ERBB4: variants seen among roughly 807,000 people sequenced by gnomAD.
ERBB4 encodes erb-b2 receptor tyrosine kinase 4, also known as receptor tyrosine-protein kinase erbB-4.
A neutral mutation model predicts 158.0 loss-of-function variants in ERBB4; 42 were observed. That is an observed-to-expected ratio of 0.27 (90% CI 0.21 to 0.34). ERBB4 has a LOEUF of 0.34. ERBB4 is among the 10% of genes least tolerant of loss of function. The pLI, the probability that ERBB4 is intolerant of heterozygous loss-of-function variation, is 1.00. For missense variants in ERBB4, 1,333 were observed against 1,624.1 expected, an observed-to-expected ratio of 0.82 and a Z score of 3.08; for synonymous variants, 583 against 558.7, an observed-to-expected ratio of 1.04 and a Z score of -0.61.
At chr2:211,541,960 G>T (rs2066820847) in intron 20 of ERBB4, among the ~76,000 whole-genome samples, 1 of 151,948 alleles carries the variant, frequency 6.6e-6, no homozygotes, top group South Asian at 2.1e-4. Flanking sequence ...ACTGACTGGA[G>T]CAAAACCAAA....
At chr2:212,210,431 T>C (rs2082898687) in intron 1 of ERBB4, among the ~76,000 whole-genome samples, 4 of 152,254 alleles carry the variant, frequency 2.6e-5, no homozygotes, top group Middle Eastern at 3.4e-3. Flanking sequence ...TGAAATTTCC[T>C]AATATCACAT....
chr2:211,613,266 T>C (rs2069267056), intron 19 of ERBB4, among the ~76,000 whole-genome samples: 1 of 152,046 alleles, frequency 6.6e-6, no homozygotes. Flanking sequence ...TGAAGATTTT[T>C]TGTAAGAACA....
chr2:212,061,965 C>G (rs1243394320), intron 2 of ERBB4, among the ~76,000 whole-genome samples: 1 of 151,894 alleles, frequency 6.6e-6, no homozygotes, highest in Non-Finnish European at 1.5e-5. Context: ...GAACTCCTGA[C>G]CTCAGGTGAT....
intron 5 of ERBB4, among the ~76,000 whole-genome samples, chr2:211,736,988 A>G (rs948535171): frequency 6.6e-6 from 1 of 152,206 alleles, no homozygotes; most frequent in African/African-American, 2.4e-5. Context: ...CAAAAAAGTC[A>G]TGTCGCGATA....
chr2:211,544,022 G>T (rs943455268), intron 20 of ERBB4, among the ~76,000 whole-genome samples: 1 of 151,894 alleles, frequency 6.6e-6, no homozygotes, highest in African/African-American at 2.4e-5. Flanking sequence ...CCCAGTTAAA[G>T]TCTCACTGCA....
intron 1 of ERBB4, among the ~76,000 whole-genome samples, chr2:212,254,060 A>G (rs1340914223): frequency 6.6e-6 from 1 of 152,190 alleles, no homozygotes; most frequent in Non-Finnish European, 1.5e-5. Context: ...AGAGGTGGTC[A>G]GTCATTGACT....
intron 23 of ERBB4, among the ~76,000 whole-genome samples, chr2:211,423,834 G>T (rs979753669): frequency 1.1e-4 from 16 of 151,492 alleles, no homozygotes; most frequent in African/African-American, 3.9e-4. Flanking sequence ...TCCCATAAAG[G>T]TCACTAATGT....
chr2:211,815,906 T>A (rs1006564567), intron 3 of ERBB4, among the ~76,000 whole-genome samples: 3 of 152,256 alleles, frequency 2.0e-5, no homozygotes, highest in East Asian at 3.9e-4. Flanking sequence ...CCCTTGGACG[T>A]CAGACTCCAG....
chr2:212,524,227 CTACCAT>C (rs2106323802), intron 1 of ERBB4, among the ~76,000 whole-genome samples: 1 of 152,102 alleles, frequency 6.6e-6, no homozygotes, highest in African/African-American at 2.4e-5. Context: ...TTCATAATTT[CTACCAT>C]AATATTGTAT....
intron 13 of ERBB4, among the ~76,000 whole-genome samples, chr2:211,677,983 T>C (rs549699900): frequency 6.6e-6 from 1 of 152,144 alleles, no homozygotes; most frequent in Non-Finnish European, 1.5e-5. Context: ...CATTATAACA[T>C]TGATGAAGGA....
chr2:212,184,306 C>G (rs534974395), intron 1 of ERBB4, among the ~76,000 whole-genome samples: 1 of 152,012 alleles, frequency 6.6e-6, no homozygotes. Context: ...TGCCGAAAAC[C>G]CTGTGTTCTT....
At chr2:212,190,237 C>A (rs1395805612) in intron 1 of ERBB4, among the ~76,000 whole-genome samples, 1 of 152,134 alleles carries the variant, frequency 6.6e-6, no homozygotes, top group Admixed American at 6.6e-5. Flanking sequence ...TAATTTCTAT[C>A]TTTTAAGAAA....
chr2:211,878,670 T>TTTTC (rs1553653644), intron 3 of ERBB4, among the ~76,000 whole-genome samples: 1 of 150,120 alleles, frequency 6.7e-6, no homozygotes, highest in South Asian at 2.1e-4. Context: ...TTTTTTTTTT[T>TTTTC]CCTTGAGATG....
At chr2:211,923,572 C>T (rs1243859859) in intron 3 of ERBB4, among the ~76,000 whole-genome samples, 1 of 152,068 alleles carries the variant, frequency 6.6e-6, no homozygotes, top group Non-Finnish European at 1.5e-5. Flanking sequence ...CTTGTGCTGC[C>T]TTGCTGAGTG....
chr2:212,458,453 A>G (rs1314850729), intron 1 of ERBB4, among the ~76,000 whole-genome samples: 1 of 152,050 alleles, frequency 6.6e-6, no homozygotes, highest in Non-Finnish European at 1.5e-5. Flanking sequence ...AAACTGAGAA[A>G]CCCAATTTTG....
chr2:211,936,729 T>C (rs557229599), intron 3 of ERBB4, among the ~76,000 whole-genome samples: 9 of 152,254 alleles, frequency 5.9e-5, no homozygotes, highest in Non-Finnish European at 1.2e-4. Context: ...GTATTTTTTC[T>C]GCCTTTGAAC....
At chr2:212,398,938 A>G (rs2091109329) in intron 1 of ERBB4, among the ~76,000 whole-genome samples, 1 of 151,750 alleles carries the variant, frequency 6.6e-6, no homozygotes, top group Admixed American at 6.6e-5. Flanking sequence ...TGTTCATTCT[A>G]TTTATTTTAT....
chr2:212,174,295 T>C (rs750687772), intron 1 of ERBB4, among the ~76,000 whole-genome samples: 3 of 152,142 alleles, frequency 2.0e-5, no homozygotes, highest in Non-Finnish European at 2.9e-5. Flanking sequence ...TTATTAAATA[T>C]GTGCAGTCAT....
At chr2:211,629,963 A>G (rs989683572) in intron 17 of ERBB4, among the ~76,000 whole-genome samples, 5 of 152,244 alleles carry the variant, frequency 3.3e-5, no homozygotes, top group African/African-American at 1.2e-4. Flanking sequence ...AACTTAGGCA[A>G]TACCATTCAG....
Sources: gnomAD v4.1 joint callset for allele counts (sites outside exome capture counted in the v4.1 genomes callset) on GRCh38, gnomAD v4.1.1 for gene constraint, MANE v1.5 for transcripts, NCBI Gene and HGNC (gene_info 2026-07-23, HGNC 2026-07-21) for gene names.